Variants in CD8B2 observed in about 807,000 individuals in gnomAD.
CD8B2 encodes the protein CD8B family member 2.
Under a neutral mutation model 23.7 loss-of-function variants are expected in CD8B2, and 11 were observed. The observed-to-expected ratio is 0.46, with a 90% CI of 0.29 to 0.77. CD8B2 has a LOEUF of 0.77. CD8B2 is among the 30% of genes least tolerant of loss of function. The probability of loss-of-function intolerance (pLI) is 0.09; values close to 1 mark genes in which losing one functional copy is unlikely to be tolerated. For missense variants in CD8B2, 197 were observed against 270.5 expected (o/e 0.73, Z 1.91); for synonymous variants, 90 against 109.3 (o/e 0.82, Z 1.10).
At chr2:106,520,997 C>CA (rs59626611) in intron 5 of CD8B2, among the ~76,000 whole-genome samples, 134,283 of 138,646 alleles carry the variant, frequency 0.97, 65,066 homozygotes, top group Non-Finnish European at 0.99. Flanking sequence ...GAAAAAATTG[C>CA]AAAAAAAAAA....
rs1244055197 is a variant in CD8B2, at chr2:106,491,167, A to G, written c.337A>G (p.Ile113Val). Reference sequence around the variant, plus strand: ...AAGCGTGAAGCCGGAGGACAGTGGCATCTACTTCTGCATGATCGTCGGGAG... The same window carrying G: ...AAGCGTGAAGCCGGAGGACAGTGGCGTCTACTTCTGCATGATCGTCGGGAG... Reference protein sequence around the residue: ...LTSVKPEDSGIYFCMIVGSPE... With the variant: ...LTSVKPEDSGVYFCMIVGSPE... The change falls in exon 2 of 6, where the codon ATC (isoleucine) becomes GTC (valine). Residue 113 changes from isoleucine (I) to valine (V), a missense_variant. Ile to Val is a conservative substitution (Grantham distance 29). Around this residue, in one of 3 missense-constraint regions of CD8B2, gnomAD observed 140 missense variants for 164.2 expected, o/e 0.85. Coordinates refer to ENST00000643224, the MANE Select transcript of CD8B2 (RefSeq NM_001349727.2). 1.9e-6 allele frequency: 3 copies of G among 1,613,806 alleles called. No individual in the cohort carries two copies. The highest frequency in any genetic ancestry group is 2.5e-6 in the Non-Finnish European group (3 of 1,179,814).
rs1679580847 is a variant in CD8B2, at chr2:106,509,522, G to A, written c.*2582G>A. On this transcript the variant is annotated 3_prime_UTR_variant, in exon 6 of 6. Coordinates refer to ENST00000643224, the MANE Select transcript of CD8B2 (RefSeq NM_001349727.2). Reference sequence around the variant, plus strand: ...GAAATTTGACCATCTCCCTGCTGCTGTCTTTGCAATTGCATGTACTTGTTC... The same window carrying A: ...GAAATTTGACCATCTCCCTGCTGCTATCTTTGCAATTGCATGTACTTGTTC... 6.6e-6 allele frequency: 1 copy of A among 152,298 alleles called. No individual in the cohort carries two copies. Among genetic ancestry groups the A allele is most frequent in the Admixed American group, 6.5e-5 (1 of 15,282 alleles). 9.4% of individuals were successfully genotyped at this position (152,298 alleles called of 1,614,324 possible). A position where few individuals can be genotyped will look rare whatever the true frequency, so the allele number is the denominator to read the frequency against.
At chr2:106,539,022 G>A (rs1356681506) in intron 5 of CD8B2, among the ~76,000 whole-genome samples, 1 of 152,188 alleles carries the variant, frequency 6.6e-6, no homozygotes, top group African/African-American at 2.4e-5. Flanking sequence ...CAGCTGGTGT[G>A]TGCTGGCTGA....
chr2:106,492,548 T>C (rs1282698537), intron 2 of CD8B2, among the ~76,000 whole-genome samples: 2 of 152,226 alleles, frequency 1.3e-5, no homozygotes, highest in African/African-American at 4.8e-5. Context: ...TGTGGCATAT[T>C]GGACAGAAGG....
rs142791575 is a variant in CD8B2 at position 106,527,806 on chromosome 2, A to C, written c.621-16186A>C. Among the ~76,000 whole-genome samples, 4 of 151,194 alleles carry C rather than the reference A, an allele frequency of 2.6e-5. 1 individual carries two copies. In the East Asian group the frequency reaches 7.8e-4, roughly 30 times the overall value. ...TCAAAAACAAACCAAAACAAAACAA[A>C]AAACAAACAAACAAACAAACAAAAA... On this transcript the variant is annotated intron_variant, in intron 5 of 5. Transcript: ENST00000416057.
chr2:106,489,506 G>T (rs542735892), intron 1 of CD8B2, among the ~76,000 whole-genome samples: 1 of 152,176 alleles, frequency 6.6e-6, no homozygotes, highest in South Asian at 2.1e-4. Context: ...GCCCCCCTCT[G>T]CCTACCCAGG....
chr2:106,498,310 G>T (rs1005530241), intron 3 of CD8B2, among the ~76,000 whole-genome samples: 1 of 152,028 alleles, frequency 6.6e-6, no homozygotes, highest in African/African-American at 2.4e-5. Flanking sequence ...ACCACGCTTG[G>T]CTAATTTTTG....
chr2:106,517,025 A>G (rs924595463), intron 5 of CD8B2, among the ~76,000 whole-genome samples: 29 of 148,508 alleles, frequency 2.0e-4, no homozygotes, highest in Non-Finnish European at 3.3e-4. Context: ...TCATATATGA[A>G]AATTAATATA....
chr2:106,528,417 C>G (rs1057203613), intron 5 of CD8B2, among the ~76,000 whole-genome samples: 1 of 151,894 alleles, frequency 6.6e-6, no homozygotes, highest in Non-Finnish European at 1.5e-5. Flanking sequence ...AGTTCTATAT[C>G]TACTTGGAGT....
In CD8B2 at chr2:106,509,868, T is replaced by C. The variant is rs1002818840; in HGVS notation, c.*2928T>C. 1.4e-4 allele frequency: 22 copies of C among 152,348 alleles called. No individual in the cohort carries two copies. The highest frequency in any genetic ancestry group is 4.8e-4 in the African/African-American group (20 of 41,586). The allele number at this position is 152,348 out of a possible 1,614,324, so 9.4% of individuals were successfully genotyped here. ...GAAAGAAATACATCAAAAAGTGGCA[T>C]GCACAAAGAAATACGCATCAGATTG... On this transcript the variant is annotated 3_prime_UTR_variant, in exon 6 of 6. Transcript: ENST00000643224.
At chr2:106,537,209 C>T (rs1374675879) in intron 5 of CD8B2, among the ~76,000 whole-genome samples, 12 of 152,128 alleles carry the variant, frequency 7.9e-5, no homozygotes, top group Non-Finnish European at 1.0e-4. Flanking sequence ...TAACCTGCCC[C>T]GTCTCTCACC....
At chr2:106,530,398 G>A (rs1199255059) in intron 5 of CD8B2, among the ~76,000 whole-genome samples, 1 of 152,034 alleles carries the variant, frequency 6.6e-6, no homozygotes, top group Non-Finnish European at 1.5e-5. Flanking sequence ...TTTTTGTTTT[G>A]GAGATGGAGT....
At chr2:106,516,496 G>A (rs2104566091) in intron 5 of CD8B2, among the ~76,000 whole-genome samples, 1 of 152,192 alleles carries the variant, frequency 6.6e-6, no homozygotes, top group African/African-American at 2.4e-5. Context: ...TCCTGGTCAG[G>A]GTTCTTTCTG....
intron 5 of CD8B2, 47 bp from the exon 6 acceptor site, chr2:106,506,881 T>C (rs977437749): frequency 4.3e-5 from 68 of 1,595,636 alleles, no homozygotes; most frequent in South Asian, 3.4e-5. Flanking sequence ...AAATTCAATA[T>C]CGTTTGCCTG....
intron 3 of CD8B2, among the ~76,000 whole-genome samples, chr2:106,501,748 G>A (rs998105616): frequency 2.1e-4 from 32 of 152,164 alleles, no homozygotes; most frequent in African/African-American, 7.0e-4. Flanking sequence ...GGCATGGAAA[G>A]AGAAAGTTAC....
At chr2:106,515,695 A>G (rs562072176), downstream of CD8B2, among the ~76,000 whole-genome samples, 65 of 152,254 alleles carry the variant, frequency 4.3e-4, no homozygotes, top group African/African-American at 1.5e-3. Flanking sequence ...ACAGACTAAG[A>G]CTTCTCTCAG....
intron 5 of CD8B2, among the ~76,000 whole-genome samples, chr2:106,525,719 A>T (rs1484178158): frequency 2.6e-5 from 4 of 152,186 alleles, no homozygotes; most frequent in Non-Finnish European, 5.9e-5. Flanking sequence ...TAAATAATGT[A>T]TAATATGGCC....
chr2:106,496,374 A>C, intron 3 of CD8B2, 112 bp downstream of exon 3: 5 of 1,459,678 alleles, frequency 3.4e-6, no homozygotes, highest in Non-Finnish European at 4.6e-6. Context: ...TCTAGAGCCT[A>C]TCTCCCCAGC....
At chr2:106,521,155 T>C (rs983030674) in intron 5 of CD8B2, among the ~76,000 whole-genome samples, 7 of 152,018 alleles carry the variant, frequency 4.6e-5, no homozygotes, top group Non-Finnish European at 7.4e-5. Flanking sequence ...CTGATTTACA[T>C]AGGGCCCACA....
Sources: allele counts gnomAD v4.1 joint callset (sites outside exome capture counted in the v4.1 genomes callset), GRCh38; gene constraint gnomAD v4.1.1; regional missense constraint gnomAD v4.1.1; transcripts MANE v1.5; gene names NCBI Gene and HGNC (gene_info 2026-07-23, HGNC 2026-07-21).